The following MAPK8IP3 variants were observed in gnomAD, a reference collection of about 807,000 sequenced individuals.
The protein encoded by MAPK8IP3 is C-Jun-amino-terminal kinase-interacting protein 3.
In MAPK8IP3, 49 loss-of-function variants were observed where a neutral mutation model predicts 157.8. That is an observed-to-expected ratio of 0.31 (90% CI 0.25 to 0.39). The LOEUF (loss-of-function observed/expected upper bound fraction) is 0.39, where lower values mean the gene tolerates loss of function less well. Ranked by LOEUF, MAPK8IP3 falls within the 10% of genes least tolerant of loss-of-function variation. The probability of loss-of-function intolerance (pLI) is 1.00; values close to 1 mark genes in which losing one functional copy is unlikely to be tolerated. For missense variants in MAPK8IP3, 1,478 were observed against 1,889.4 expected, an observed-to-expected ratio of 0.78 and a Z score of 4.04; for synonymous variants, 897 against 777.7, an observed-to-expected ratio of 1.15 and a Z score of -2.55.
In MAPK8IP3 at chr16:1,768,279, A is replaced by C; in HGVS notation, c.3643A>C (p.Arg1215=). The C allele has an allele frequency of 2.5e-6, 4 of 1,611,576 alleles. No homozygotes were observed. The highest frequency in any genetic ancestry group is 3.4e-6 in the Non-Finnish European group (4 of 1,179,974). ...IHVYGDDSSD[R]AASSFIPYCS... ...CGTGTATGGCGATGACAGCAGTGACAGGGCGGCCAGCAGCTTCATCCCCTA... is the reference window on the plus strand; with the variant it reads ...CGTGTATGGCGATGACAGCAGTGACCGGGCGGCCAGCAGCTTCATCCCCTA... Residue 1215 remains arginine, a synonymous_variant, in exon 30 of 32, where the codon AGG becomes CGG. Coordinates refer to ENST00000610761, the MANE Select transcript of MAPK8IP3 (RefSeq NM_001318852.2).
rs201401786 is a variant in MAPK8IP3 at position 1,768,559 on chromosome 16, C to T, written c.3825C>T (p.Val1275=). ...GPGPAAPASE[V]EGQKLRNVLV... The stretch of plus-strand genomic sequence containing the variant: ...GGCCAGCTGCCCCTGCCTCGGAGGT[C>T]GAGGGCCAGAAGCTGCGGAACGTGC... Residue 1275 remains valine, a synonymous_variant, in exon 31 of 32, where the codon GTC becomes GTT. Transcript: ENST00000610761. 9 of 1,574,450 alleles carry T rather than the reference C, an allele frequency of 5.7e-6. No homozygotes were observed. Among genetic ancestry groups the T allele is most frequent in the South Asian group, 1.1e-5 (1 of 87,266 alleles).
At chr16:1,754,331 A>G (rs2041470276) in intron 8 of MAPK8IP3, among the ~76,000 whole-genome samples, 1 of 152,208 alleles carries the variant, frequency 6.6e-6, no homozygotes, top group Non-Finnish European at 1.5e-5. Context: ...TTCACAAATG[A>G]CTAATACTCA....
chr16:1,738,187 T>TGA (rs2040203727), intron 4 of MAPK8IP3, among the ~76,000 whole-genome samples: 1 of 92,362 alleles, frequency 1.1e-5, no homozygotes, highest in Non-Finnish European at 2.1e-5. Flanking sequence ...TGAGCGTCCG[T>TGA]GAGCGTGTGA....
intron 1 of MAPK8IP3, among the ~76,000 whole-genome samples, chr16:1,721,613 G>A (rs1451936206): frequency 2.0e-5 from 3 of 152,240 alleles, no homozygotes; most frequent in South Asian, 2.1e-4. Context: ...ACATGCCATC[G>A]TGTCCAGCTA....
At chr16:1,747,962 G>A (rs2041069559) in intron 6 of MAPK8IP3, among the ~76,000 whole-genome samples, 2 of 152,232 alleles carry the variant, frequency 1.3e-5, no homozygotes, top group Non-Finnish European at 2.9e-5. Flanking sequence ...CCAGCCACTG[G>A]CTTGCTTGGA....
chr16:1,744,827 G>T (rs1290069993), intron 5 of MAPK8IP3: 1 of 984,784 alleles, frequency 1.0e-6, no homozygotes, highest in Non-Finnish European at 1.2e-6. Context: ...TTCGTTCATA[G>T]GAGTGTTTTA....
intron 11 of MAPK8IP3, 168 bp downstream of exon 11, chr16:1,760,183 T>C: frequency 1.0e-6 from 1 of 968,244 alleles, no homozygotes; most frequent in Non-Finnish European, 1.5e-6. Flanking sequence ...CTGGTTTCTT[T>C]ACGAAGCTTG....
chr16:1,722,304 C>T (rs1013622823), intron 1 of MAPK8IP3, among the ~76,000 whole-genome samples: 1 of 152,190 alleles, frequency 6.6e-6, no homozygotes, highest in Non-Finnish European at 1.5e-5. Flanking sequence ...CTGCCCCTCC[C>T]GCCTCTGTGG....
At position 1,706,354 on chromosome 16, in the gene MAPK8IP3, G is replaced by T. The variant is rs1257093518; in HGVS notation, c.15G>T (p.Gln5His). 20 of 1,593,614 alleles carry T rather than the reference G, an allele frequency of 1.3e-5. No homozygotes were observed. The highest frequency in any genetic ancestry group is 1.7e-5 in the Non-Finnish European group (20 of 1,171,132). The change falls in exon 1 of 32, where the codon CAG (glutamine) becomes CAT (histidine). Residue 5 changes from glutamine to histidine, a missense_variant. This residue lies in a region of MAPK8IP3 where 29 missense variants were observed against 29.8 expected (regional missense o/e 0.97). Coordinates refer to ENST00000610761, the MANE Select transcript of MAPK8IP3 (RefSeq NM_001318852.2). The surrounding 1 kb of genome is among the most constrained non-coding windows in gnomAD (Gnocchi z 5.1). ...CGGTGGCCGCGATGATGGAGATCCA[G>T]ATGGACGAGGGCGGCGGCGTGGTGG... MMEI[Q>H]MDEGGGVVVY...
chr16:1,724,085 A>G lies in MAPK8IP3; in HGVS notation c.319-472A>G, dbSNP rs940277318. Among the ~76,000 whole-genome samples, 2 of 152,208 alleles carry G rather than the reference A, an allele frequency of 1.3e-5. No homozygotes were observed. The highest frequency in any genetic ancestry group is 2.9e-5 in the Non-Finnish European group (2 of 68,036). ...GAGTTGAGGGGAGTCAGATGACTCC[A>G]TTGCAAACAGGACTGGCTGTGTGCT... On this transcript the variant is annotated intron_variant, in intron 1 of 31. Transcript: ENST00000610761. The surrounding 1 kb of genome is among the most constrained non-coding windows in gnomAD (Gnocchi z 4.1).
intron 1 of MAPK8IP3, among the ~76,000 whole-genome samples, chr16:1,720,760 T>C (rs529988248): frequency 6.6e-6 from 1 of 152,124 alleles, no homozygotes; most frequent in Non-Finnish European, 1.5e-5. Context: ...CCAGGCCGGG[T>C]GCAGCGGCTC....
rs1349620127 is a variant in MAPK8IP3, at chr16:1,724,510, C to T, written c.319-47C>T. 2 of 1,597,538 alleles carry T rather than the reference C, an allele frequency of 1.3e-6. No individual in the cohort carries two copies. The highest frequency in any genetic ancestry group is 2.2e-5 in the East Asian group (1 of 44,566). On this transcript the variant is annotated intron_variant, in intron 1 of 31. Transcript: ENST00000610761. The surrounding 1 kb of genome is among the most constrained non-coding windows in gnomAD (Gnocchi z 4.1). ...GCCCTTCAAGTGAAAGGCGGCTGCT[C>T]CACACTCACTCCTGATGACTGCTCT... is the stretch of plus-strand genomic sequence containing the variant.
At position 1,768,878 on chromosome 16, in the gene MAPK8IP3, C is replaced by G; in HGVS notation, c.*54C>G. ...ACATAGGACCCCCGACCACCTGACC[C>G]CCGCCCGGCCCGCGGGGTAGCCAGC... On this transcript the variant is annotated 3_prime_UTR_variant, in exon 32 of 32. Transcript: ENST00000610761. The G allele has an allele frequency of 6.3e-7, 1 of 1,589,268 alleles. No homozygotes were observed.
intron 4 of MAPK8IP3, among the ~76,000 whole-genome samples, chr16:1,736,245 CGTGTGACT>C: frequency 1.3e-5 from 1 of 76,000 alleles, no homozygotes; most frequent in African/African-American, 5.3e-5. Context: ...TCCGTGTGAG[CGTGTGACT>C]GTCCGTGTGA....
intron 1 of MAPK8IP3, among the ~76,000 whole-genome samples, chr16:1,711,783 T>C (rs1304039642): frequency 6.6e-6 from 1 of 151,718 alleles, no homozygotes; most frequent in Non-Finnish European, 1.5e-5. Context: ...CTACTAAAAA[T>C]ACAAAAATTA....
intron 22 of MAPK8IP3, 29 bp from the exon 23 acceptor site, chr16:1,766,500 C>T: frequency 1.2e-6 from 2 of 1,607,644 alleles, no homozygotes; most frequent in Non-Finnish European, 1.7e-6. Flanking sequence ...GCTCCGTGGC[C>T]CCCCCTGGAG....
chr16:1,752,576 C>A, intron 8 of MAPK8IP3: 1 of 300,380 alleles, frequency 3.3e-6, no homozygotes, highest in Non-Finnish European at 6.7e-6. Context: ...GACCCCATCT[C>A]TACAAAACAT....
intron 8 of MAPK8IP3, among the ~76,000 whole-genome samples, chr16:1,750,780 T>G (rs190585582): frequency 1.3e-4 from 20 of 151,936 alleles, no homozygotes; most frequent in Middle Eastern, 3.4e-3. Flanking sequence ...TGAGTAGCTG[T>G]GATTACAGGC....
Position 1,706,496 on chromosome 16 carries a change from A to C in MAPK8IP3, c.157A>C (p.Lys53Gln). 1 of 1,614,094 alleles carries C rather than the reference A, an allele frequency of 6.2e-7. No individual in the cohort carries two copies. Among genetic ancestry groups the C allele is most frequent in the Non-Finnish European group, 8.5e-7 (1 of 1,179,984 alleles). ...LIHCYDEEVV[K>Q]ELMPLVVNVL... is the part of the protein sequence containing the mutation. ...CCACTGCTACGACGAGGAGGTGGTCAAGGAGCTCATGCCGCTGGTGGTGAA... is the reference window on the plus strand; with the variant it reads ...CCACTGCTACGACGAGGAGGTGGTCCAGGAGCTCATGCCGCTGGTGGTGAA... Residue 53 changes from lysine (K) to glutamine (Q), a missense_variant, in exon 1 of 32, where the codon AAG becomes CAG. Physicochemically the swap from Lys to Gln is moderately conservative, Grantham distance 53. This residue lies in a region of MAPK8IP3 where 65 missense variants were observed against 161.8 expected (regional missense o/e 0.40). Coordinates refer to ENST00000610761, the MANE Select transcript of MAPK8IP3 (RefSeq NM_001318852.2). The surrounding 1 kb of genome is among the most constrained non-coding windows in gnomAD (Gnocchi z 5.1).
Sources: gnomAD v4.1 joint callset for allele counts (sites outside exome capture counted in the v4.1 genomes callset) on GRCh38, gnomAD v4.1.1 for gene constraint, gnomAD v4.1.1 regional missense constraint, Gnocchi (gnomAD v3.1) non-coding constraint, MANE v1.5 for transcripts, NCBI Gene and HGNC (gene_info 2026-07-23, HGNC 2026-07-21) for gene names.